GPC6: variants seen among roughly 807,000 people sequenced by gnomAD.
GPC6 encodes glypican 6.
GPC6 carries 14 observed loss-of-function variants against 55.2 expected under a neutral mutation model. The observed-to-expected ratio is 0.25, with a 90% CI of 0.17 to 0.40. The LOEUF (loss-of-function observed/expected upper bound fraction) is 0.40, where lower values mean the gene tolerates loss of function less well. Among genes scored for constraint, GPC6 ranks in the 10% least tolerant of loss-of-function variants. GPC6 has a pLI of 1.00. For synonymous variants in GPC6, 278 were observed against 259.6 expected (o/e 1.07, Z -0.68); for missense variants, 641 against 708.5 (o/e 0.90, Z 1.08).
intron 1 of GPC6, among the ~76,000 whole-genome samples, chr13:93,323,727 CAGTT>C (rs1179883393): frequency 6.6e-6 from 1 of 152,102 alleles, no homozygotes. Flanking sequence ...TGGTAGGAGA[CAGTT>C]AGTAAATTGT....
chr13:93,513,157 T>C (rs1881048301), intron 1 of GPC6, among the ~76,000 whole-genome samples: 1 of 152,136 alleles, frequency 6.6e-6, no homozygotes, highest in South Asian at 2.1e-4. Flanking sequence ...GTAGCTTCTG[T>C]TGGGAATCAA....
rs1345564180 is a variant in GPC6 at position 93,854,826 on chromosome 13, A to G, written c.711+24281A>G. Among the ~76,000 whole-genome samples the G allele has an allele frequency of 4.6e-5, 7 of 151,778 alleles. No individual in the cohort carries two copies. The East Asian group carries it at 1.4e-3, about 30-fold the overall frequency. On this transcript the variant is annotated intron_variant, in intron 3 of 8. Coordinates refer to ENST00000377047, the MANE Select transcript of GPC6 (RefSeq NM_005708.5). ...CTTAAGATACCTAATTTACTTTCCCACCTAAAAGAATCTAAGTACATTTTT... is the reference window on the plus strand; with the variant it reads ...CTTAAGATACCTAATTTACTTTCCCGCCTAAAAGAATCTAAGTACATTTTT...
chr13:94,206,313 CTG>C (rs1889900567), intron 4 of GPC6, among the ~76,000 whole-genome samples: 1 of 152,118 alleles, frequency 6.6e-6, no homozygotes, highest in Admixed American at 6.5e-5. Context: ...CTCATTCTCT[CTG>C]TGTCTCTCTA....
chr13:94,177,556 T>C (rs776546890), intron 4 of GPC6, among the ~76,000 whole-genome samples: 2 of 152,088 alleles, frequency 1.3e-5, no homozygotes, highest in African/African-American at 2.4e-5. Context: ...AAAAACAAGA[T>C]ATATCAATTG....
chr13:93,259,478 G>A (rs1033300765), intron 1 of GPC6, among the ~76,000 whole-genome samples: 2 of 152,062 alleles, frequency 1.3e-5, no homozygotes, highest in Non-Finnish European at 2.9e-5. Flanking sequence ...CTCATATAGG[G>A]TAAATAATGT....
chr13:93,316,177 A>G (rs1879242267), intron 1 of GPC6, among the ~76,000 whole-genome samples: 2 of 152,094 alleles, frequency 1.3e-5, no homozygotes, highest in South Asian at 2.1e-4. Flanking sequence ...AAGTGCTCCA[A>G]GCTGTAACCT....
At chr13:93,437,405 A>G (rs1877612579) in intron 1 of GPC6, among the ~76,000 whole-genome samples, 3 of 152,218 alleles carry the variant, frequency 2.0e-5, no homozygotes, top group Non-Finnish European at 2.9e-5. Flanking sequence ...ACAGTTAGCT[A>G]AGTTGTGAAT....
chr13:93,929,480 T>A (rs574594551), intron 3 of GPC6, among the ~76,000 whole-genome samples: 1 of 152,230 alleles, frequency 6.6e-6, no homozygotes, highest in Non-Finnish European at 1.5e-5. Flanking sequence ...TAACATTTTA[T>A]ACAAAATTAG....
rs573363273 is a variant in GPC6 at position 93,243,849 on chromosome 13, G to A, written c.160+16233G>A. Reference sequence around the variant, plus strand: ...GTAATGGGCTGTGCTGGGTGAAGTCGGGCCAGGAGGTAGCGCTTGTAGGAG... The same window carrying A: ...GTAATGGGCTGTGCTGGGTGAAGTCAGGCCAGGAGGTAGCGCTTGTAGGAG... On this transcript the variant is annotated intron_variant, in intron 1 of 8. Transcript: ENST00000377047. Among the ~76,000 whole-genome samples the A allele has an allele frequency of 4.6e-5, 7 of 152,254 alleles. No homozygotes were observed. The East Asian group carries it at 9.7e-4, about 21-fold the overall frequency.
intron 1 of GPC6, among the ~76,000 whole-genome samples, chr13:93,461,090 G>A (rs1401357590): frequency 6.6e-6 from 1 of 151,986 alleles, no homozygotes; most frequent in Non-Finnish European, 1.5e-5. Flanking sequence ...TGTGTGTTTT[G>A]TTTTTGTTTG....
At chr13:93,321,492 C>G (rs1189100381) in intron 1 of GPC6, among the ~76,000 whole-genome samples, 1 of 152,078 alleles carries the variant, frequency 6.6e-6, no homozygotes, top group Non-Finnish European at 1.5e-5. Context: ...ACTAAAAAAT[C>G]CTTCTCTGAT....
intron 2 of GPC6, among the ~76,000 whole-genome samples, chr13:93,824,151 A>G (rs1459450868): frequency 6.6e-6 from 1 of 152,206 alleles, no homozygotes; most frequent in East Asian, 1.9e-4. Context: ...TACTGAGACA[A>G]TGTAATATCT....
chr13:93,502,048 C>G (rs553878627), intron 1 of GPC6, among the ~76,000 whole-genome samples: 144 of 152,208 alleles, frequency 9.5e-4, no homozygotes, highest in Middle Eastern at 6.8e-3. Context: ...CTTCCTCAAT[C>G]TAAAGTAATA....
At chr13:93,614,678 A>G (rs550353959) in intron 2 of GPC6, among the ~76,000 whole-genome samples, 1 of 152,318 alleles carries the variant, frequency 6.6e-6, no homozygotes, top group South Asian at 2.1e-4. Flanking sequence ...TTCAAATTAT[A>G]TAATTGTTTG....
At chr13:94,193,923 CTA>C (rs1385262512) in intron 4 of GPC6, among the ~76,000 whole-genome samples, 2 of 152,000 alleles carry the variant, frequency 1.3e-5, no homozygotes, top group African/African-American at 4.8e-5. Context: ...AGTTTATCTG[CTA>C]TGTTTTATGC....
intron 4 of GPC6, among the ~76,000 whole-genome samples, chr13:94,272,893 G>A (rs1457858751): frequency 6.6e-6 from 1 of 152,032 alleles, no homozygotes; most frequent in South Asian, 2.1e-4. Flanking sequence ...CACATGCCCA[G>A]CCACATCACC....
chr13:93,394,035 T>C (rs916778074), intron 1 of GPC6, among the ~76,000 whole-genome samples: 7 of 152,228 alleles, frequency 4.6e-5, no homozygotes, highest in Admixed American at 1.3e-4. Context: ...ACATTTATGC[T>C]GTTTAGTCAT....
At chr13:94,242,708 T>C (rs1819659335) in intron 4 of GPC6, among the ~76,000 whole-genome samples, 1 of 152,118 alleles carries the variant, frequency 6.6e-6, no homozygotes, top group African/African-American at 2.4e-5. Flanking sequence ...GAGTGAAATC[T>C]GGAAGGAGTT....
intron 4 of GPC6, among the ~76,000 whole-genome samples, chr13:94,193,189 G>T (rs1412476291): frequency 6.6e-6 from 1 of 152,072 alleles, no homozygotes. Context: ...TAATTTGAAA[G>T]GTTAGCAGAT....
Sources: gnomAD v4.1 joint callset for allele counts (sites outside exome capture counted in the v4.1 genomes callset) on GRCh38, gnomAD v4.1.1 for gene constraint, MANE v1.5 for transcripts, NCBI Gene and HGNC (gene_info 2026-07-23, HGNC 2026-07-21) for gene names.